The following PDE11A variants were observed in gnomAD, a reference collection of about 807,000 sequenced individuals.
The protein encoded by PDE11A is phosphodiesterase 11A, also known as dual 3',5'-cyclic-AMP and -GMP phosphodiesterase 11A.
In PDE11A, 100 loss-of-function variants were observed where a neutral mutation model predicts 100.5. The observed-to-expected ratio is 1.00, with a 90% CI of 0.85 to 1.18. PDE11A has a LOEUF of 1.18. Among genes scored for constraint, PDE11A ranks in the 50% most tolerant of loss-of-function variants. The pLI is 0.00. For missense variants in PDE11A, 1,141 were observed against 1,152.6 expected, an observed-to-expected ratio of 0.99 and a Z score of 0.15; for synonymous variants, 381 against 420.8, an observed-to-expected ratio of 0.91 and a Z score of 1.16.
At chr2:178,050,115 A>T (rs1421503425) in intron 1 of PDE11A, among the ~76,000 whole-genome samples, 2 of 152,050 alleles carry the variant, frequency 1.3e-5, no homozygotes, top group African/African-American at 4.8e-5. Flanking sequence ...GGGCAGACTG[A>T]CACCTCATAC....
At chr2:177,788,823 C>T (rs2082582345) in intron 9 of PDE11A, among the ~76,000 whole-genome samples, 1 of 152,100 alleles carries the variant, frequency 6.6e-6, no homozygotes, top group African/African-American at 2.4e-5. Flanking sequence ...CATACACTCT[C>T]CCAAGACTAA....
At chr2:178,062,754 TAAAACATTCTGGTA>T (rs1319598597) in intron 1 of PDE11A, among the ~76,000 whole-genome samples, 1 of 152,206 alleles carries the variant, frequency 6.6e-6, no homozygotes, top group Non-Finnish European at 1.5e-5. Context: ...ATGTAAAGGT[TAAAACATTCTGGTA>T]ATCTGATAAA....
At chr2:177,848,613 C>T (rs2083642771) in intron 5 of PDE11A, among the ~76,000 whole-genome samples, 1 of 152,162 alleles carries the variant, frequency 6.6e-6, no homozygotes. Flanking sequence ...GCTTCATGAG[C>T]TCAAATATAT....
At chr2:177,706,628 T>G (rs2105417665) in intron 13 of PDE11A, among the ~76,000 whole-genome samples, 1 of 152,330 alleles carries the variant, frequency 6.6e-6, no homozygotes, top group South Asian at 2.1e-4. Context: ...TGGGTAATGG[T>G]GGCATTAAGT....
At chr2:177,852,058 T>A (rs2083721563) in intron 5 of PDE11A, among the ~76,000 whole-genome samples, 2 of 152,080 alleles carry the variant, frequency 1.3e-5, no homozygotes, top group African/African-American at 4.8e-5. Context: ...AGTCCAGAGT[T>A]CCCTATGTAT....
chr2:177,743,726 A>G (rs2081908346), intron 10 of PDE11A, among the ~76,000 whole-genome samples: 1 of 152,240 alleles, frequency 6.6e-6, no homozygotes, highest in African/African-American at 2.4e-5. Flanking sequence ...AGAATCTGCA[A>G]TAAGTTATTA....
intron 2 of PDE11A, among the ~76,000 whole-genome samples, chr2:178,094,522 A>T (rs1329955477): frequency 1.3e-5 from 2 of 152,228 alleles, no homozygotes; most frequent in East Asian, 3.9e-4. Context: ...ACAGAGTGAC[A>T]GCCTGTCTCG....
chr2:178,075,026 A>C (rs2087189511), upstream of PDE11A, among the ~76,000 whole-genome samples: 1 of 152,206 alleles, frequency 6.6e-6, no homozygotes, highest in African/African-American at 2.4e-5. Flanking sequence ...TCCCAACAGG[A>C]AACAGAGCAC....
chr2:177,769,265 AG>A, intron 10 of PDE11A, 57 bp downstream of exon 10: 1 of 953,974 alleles, frequency 1.0e-6, no homozygotes, highest in Non-Finnish European at 1.7e-6. Context: ...GACAGAGCTC[AG>A]GAGGCCAGGA....
At chr2:177,646,406 TG>T (rs1183882535) in intron 19 of PDE11A, among the ~76,000 whole-genome samples, 1 of 152,244 alleles carries the variant, frequency 6.6e-6, no homozygotes, top group Non-Finnish European at 1.5e-5. Flanking sequence ...GAGCCATACT[TG>T]GAGTTCTTCA....
intron 6 of PDE11A, among the ~76,000 whole-genome samples, chr2:177,828,126 T>C (rs2083255736): frequency 6.6e-6 from 1 of 152,172 alleles, no homozygotes; most frequent in South Asian, 2.1e-4. Flanking sequence ...TTTTTCATGA[T>C]TATAAAAATA....
At chr2:177,825,588 T>C (rs955370299) in intron 6 of PDE11A, among the ~76,000 whole-genome samples, 1 of 152,166 alleles carries the variant, frequency 6.6e-6, no homozygotes, top group Admixed American at 6.6e-5. Context: ...CTGCAGGGGC[T>C]GGAGGAAAAG....
chr2:178,074,697 C>T (rs185621679), upstream of PDE11A, among the ~76,000 whole-genome samples: 135 of 152,232 alleles, frequency 8.9e-4, no homozygotes, highest in Non-Finnish European at 1.2e-3. Context: ...TAAAGATCTC[C>T]GTCTACAGCA....
chr2:177,729,093 G>C (rs1207304876), intron 10 of PDE11A, among the ~76,000 whole-genome samples: 10 of 152,020 alleles, frequency 6.6e-5, no homozygotes, highest in Non-Finnish European at 1.5e-5. Flanking sequence ...TTATGCCCTG[G>C]AGCTACTTAC....
At chr2:177,641,771 T>G (rs2080147559) in intron 19 of PDE11A, among the ~76,000 whole-genome samples, 1 of 152,180 alleles carries the variant, frequency 6.6e-6, no homozygotes. Context: ...GCATTCACAT[T>G]AAAGATACCA....
chr2:177,692,399 TA>T (rs1168395099), intron 15 of PDE11A, among the ~76,000 whole-genome samples: 2 of 152,212 alleles, frequency 1.3e-5, no homozygotes, highest in Non-Finnish European at 2.9e-5. Context: ...CCTTTTTTTA[TA>T]AGGTACTTTA....
At chr2:177,915,258 C>T (rs10168605) in intron 2 of PDE11A, among the ~76,000 whole-genome samples, 3 of 152,086 alleles carry the variant, frequency 2.0e-5, no homozygotes, top group Admixed American at 6.5e-5. Context: ...ACACATTATT[C>T]GGATTTTGAC....
At chr2:177,923,069 A>G (rs2085076106) in intron 2 of PDE11A, among the ~76,000 whole-genome samples, 1 of 152,152 alleles carries the variant, frequency 6.6e-6, no homozygotes, top group Admixed American at 6.5e-5. Context: ...AAGAAATGGC[A>G]CTTTATATGC....
chr2:178,077,813 G>A (rs1388691794), intron 2 of PDE11A, among the ~76,000 whole-genome samples: 1 of 152,066 alleles, frequency 6.6e-6, no homozygotes, highest in Non-Finnish European at 1.5e-5. Context: ...CAGAGGAGAA[G>A]GTAGTATGAA....
Sources: allele counts gnomAD v4.1 joint callset (sites outside exome capture counted in the v4.1 genomes callset), GRCh38; gene constraint gnomAD v4.1.1; transcripts MANE v1.5; gene names NCBI Gene and HGNC (gene_info 2026-07-23, HGNC 2026-07-21).